The following DCBLD2 variants were observed in gnomAD, a reference collection of about 807,000 sequenced individuals.
The protein encoded by DCBLD2 is discoidin, CUB and LCCL domain containing 2.
Under a neutral mutation model 86.8 loss-of-function variants are expected in DCBLD2, and 54 were observed. That is an observed-to-expected ratio of 0.62 (90% CI 0.50 to 0.78). The LOEUF (loss-of-function observed/expected upper bound fraction) is 0.78, where lower values mean the gene tolerates loss of function less well. DCBLD2 is among the 30% of genes least tolerant of loss of function. The pLI is 0.00. For missense variants in DCBLD2, 908 were observed against 954.2 expected, an observed-to-expected ratio of 0.95 and a Z score of 0.64; for synonymous variants, 354 against 341.3, an observed-to-expected ratio of 1.04 and a Z score of -0.41.
At chr3:98,831,165 G>A (rs920518592) in intron 3 of DCBLD2, among the ~76,000 whole-genome samples, 6 of 151,132 alleles carry the variant, frequency 4.0e-5, no homozygotes, top group Non-Finnish European at 5.9e-5. Context: ...TCCGCCTCCC[G>A]GGTAGCTGGG....
chr3:98,829,418 G>T (rs1942283480), intron 3 of DCBLD2, among the ~76,000 whole-genome samples: 1 of 152,084 alleles, frequency 6.6e-6, no homozygotes, highest in Admixed American at 6.6e-5. Context: ...CACAGTTATT[G>T]TTTCTGTTCC....
At chr3:98,835,624 A>G (rs929726418) in intron 3 of DCBLD2, among the ~76,000 whole-genome samples, 3 of 144,796 alleles carry the variant, frequency 2.1e-5, no homozygotes, top group African/African-American at 7.7e-5. Flanking sequence ...ATCTCGGCTC[A>G]CTGCAACTTC....
At chr3:98,844,714 T>A (rs2107478522) in intron 3 of DCBLD2, among the ~76,000 whole-genome samples, 2 of 152,276 alleles carry the variant, frequency 1.3e-5, no homozygotes, top group South Asian at 4.1e-4. Context: ...AGTCTGGACC[T>A]TACTGTGGTA....
chr3:98,878,625 T>C (rs1359947183), intron 2 of DCBLD2, among the ~76,000 whole-genome samples: 2 of 152,244 alleles, frequency 1.3e-5, no homozygotes, highest in African/African-American at 4.8e-5. Context: ...GAATTATCTT[T>C]ATTTCTCTGC....
rs1389671289 is a variant in DCBLD2, at chr3:98,797,376, A to C, written c.*1996T>G. The C allele has an allele frequency of 6.6e-6, 1 of 152,536 alleles. No individual in the cohort carries two copies. The highest frequency in any genetic ancestry group is 2.4e-5 in the African/African-American group (1 of 41,454). 9.4% of individuals were successfully genotyped at this position (152,536 alleles called of 1,614,324 possible). Reference sequence around the variant, plus strand: ...CACAAGAATAGCAAACTTCTTTGGGAAAATGAAATAGTTACCAAAAACATC... The same window carrying C: ...CACAAGAATAGCAAACTTCTTTGGGCAAATGAAATAGTTACCAAAAACATC... On this transcript the variant is annotated 3_prime_UTR_variant, in exon 16 of 16. Coordinates refer to ENST00000326840, the MANE Select transcript of DCBLD2 (RefSeq NM_080927.4).
At chr3:98,822,594 C>T in intron 5 of DCBLD2, 75 bp downstream of exon 5, 1 of 1,380,986 alleles carries the variant, frequency 7.2e-7, no homozygotes, top group Non-Finnish European at 9.8e-7. Context: ...ATGATTAACA[C>T]ACCTCTAACT....
At chr3:98,889,574 ATTGT>A (rs1487458025) in intron 1 of DCBLD2, among the ~76,000 whole-genome samples, 2 of 152,052 alleles carry the variant, frequency 1.3e-5, no homozygotes, top group African/African-American at 4.8e-5. Context: ...TAACTTACAG[ATTGT>A]TTGGTAAAGA....
intron 1 of DCBLD2, chr3:98,900,921 A>G: frequency 2.1e-6 from 2 of 941,688 alleles, no homozygotes; most frequent in South Asian, 3.5e-5. Context: ...GCCTTGCCAA[A>G]AAGTAAAGCC....
chr3:98,834,859 C>T (rs1353061239), intron 3 of DCBLD2, among the ~76,000 whole-genome samples: 5 of 152,226 alleles, frequency 3.3e-5, no homozygotes, highest in Non-Finnish European at 7.3e-5. Flanking sequence ...TCTGGAACTT[C>T]CTTTTTCAAA....
At position 98,866,233 on chromosome 3, in the gene DCBLD2, G is replaced by C. The variant is rs935750007; in HGVS notation, c.433+15307C>G. Among the ~76,000 whole-genome samples, 7 of 152,160 alleles carry C rather than the reference G, an allele frequency of 4.6e-5. No homozygotes were observed. In the East Asian group the frequency reaches 1.2e-3, roughly 25 times the overall value. ...CCTTTGGGTATATACCCAGTAATGG[G>C]ATGGCTGGGTCAAATGGTATTTCTA... On this transcript the variant is annotated intron_variant, in intron 2 of 15. Transcript: ENST00000326840.
intron 4 of DCBLD2, among the ~76,000 whole-genome samples, chr3:98,824,293 G>T (rs1221794087): frequency 6.8e-6 from 1 of 147,328 alleles, no homozygotes; most frequent in Non-Finnish European, 1.5e-5. Context: ...AATCATGAGT[G>T]GAGGCTGGGA....
At chr3:98,842,946 A>G (rs1205585405) in intron 3 of DCBLD2, among the ~76,000 whole-genome samples, 1 of 152,210 alleles carries the variant, frequency 6.6e-6, no homozygotes, top group Non-Finnish European at 1.5e-5. Context: ...GTCTCTTCTC[A>G]GCACTCCTAA....
intron 3 of DCBLD2, among the ~76,000 whole-genome samples, chr3:98,836,013 G>T (rs1942439385): frequency 8.0e-6 from 1 of 125,742 alleles, no homozygotes; most frequent in Admixed American, 8.7e-5. Flanking sequence ...TTGAACTTAT[G>T]TATAGATTTC....
At chr3:98,807,968 TAATAATTACCTTAA>T in intron 13 of DCBLD2, 99 bp downstream of exon 13, 1 of 754,534 alleles carries the variant, frequency 1.3e-6, no homozygotes, top group South Asian at 4.2e-5. Flanking sequence ...ATTTTCATTT[TAATAATTACCTTAA>T]CTCTCACTCT....
At chr3:98,884,802 G>A (rs1245139257) in intron 1 of DCBLD2, among the ~76,000 whole-genome samples, 1 of 151,992 alleles carries the variant, frequency 6.6e-6, no homozygotes, top group Non-Finnish European at 1.5e-5. Flanking sequence ...AGAAACTCAA[G>A]TATTTTCTAT....
At chr3:98,835,979 A>G (rs1397875769) in intron 3 of DCBLD2, among the ~76,000 whole-genome samples, 2 of 80,898 alleles carry the variant, frequency 2.5e-5, no homozygotes, top group Non-Finnish European at 2.6e-5. Flanking sequence ...TTGTTTATTC[A>G]CATTGAGGAG....
intron 13 of DCBLD2, chr3:98,802,078 G>C (rs1490042082): frequency 4.6e-5 from 7 of 152,898 alleles, no homozygotes; most frequent in Non-Finnish European, 1.0e-4. Context: ...CCCAGTAATG[G>C]GATGGCTGGG....
chr3:98,844,034 G>GCACACACACACA (rs10574415), intron 3 of DCBLD2, among the ~76,000 whole-genome samples: 9,855 of 145,524 alleles, frequency 0.068, 375 homozygotes, highest in South Asian at 0.093. Context: ...AATCATGCAT[G>GCACACACACACA]CACACACACA....
At chr3:98,893,687 A>G (rs1172192427) in intron 1 of DCBLD2, among the ~76,000 whole-genome samples, 2 of 152,238 alleles carry the variant, frequency 1.3e-5, no homozygotes, top group Non-Finnish European at 2.9e-5. Flanking sequence ...GATATGTAAA[A>G]GCCAGTGGCA....
Sources: allele counts gnomAD v4.1 joint callset (sites outside exome capture counted in the v4.1 genomes callset), GRCh38; gene constraint gnomAD v4.1.1; transcripts MANE v1.5; gene names NCBI Gene and HGNC (gene_info 2026-07-23, HGNC 2026-07-21).